MAPDA: variants seen among roughly 807,000 people sequenced by gnomAD.
MAPDA encodes N6,N6-dimethyl-AMP deaminase.
the MAPDA span, chr15:43,340,362 A>G: frequency 1.2e-6 from 2 of 1,607,656 alleles, no homozygotes; most frequent in Non-Finnish European, 1.7e-6. Flanking sequence ...GGTAGAATTT[A>G]TACTTCTCAG....
At chr15:43,348,810 G>A in the MAPDA span, 2 of 1,311,736 alleles carry the variant, frequency 1.5e-6, no homozygotes, top group African/African-American at 3.0e-5. Flanking sequence ...TCTGCATTAA[G>A]TACTACTTAG....
At chr15:43,354,419 A>G in the MAPDA span, 4 of 152,220 alleles carry the variant, frequency 2.6e-5, no homozygotes, top group Admixed American at 1.3e-4. Flanking sequence ...ATGTGGATCT[A>G]TTGCAGTCAC....
At chr15:43,351,561 G>T in the MAPDA span, 1 of 578,422 alleles carries the variant, frequency 1.7e-6, no homozygotes, top group African/African-American at 1.9e-5. Flanking sequence ...TTGAAACACT[G>T]CTCTGGTATC....
At chr15:43,339,158 G>A in the MAPDA span, among the ~76,000 whole-genome samples, 72,056 of 152,070 alleles carry the variant, frequency 0.47, 21,949 homozygotes, top group African/African-American at 0.87. Context: ...TAGCAGTGCC[G>A]TGGGGCCAAT....
chr15:43,340,161 G>A, the MAPDA span: 5 of 1,010,880 alleles, frequency 4.9e-6, no homozygotes, highest in South Asian at 8.0e-5. Flanking sequence ...AACATTACTT[G>A]CAAATCAGAT....
chr15:43,345,978 A>G, the MAPDA span: 1 of 1,613,794 alleles, frequency 6.2e-7, no homozygotes. Flanking sequence ...TGGAGACCCT[A>G]CTGTAAGTTA....
the MAPDA span, chr15:43,330,695 C>T: frequency 4.1e-6 from 2 of 490,252 alleles, no homozygotes; most frequent in Non-Finnish European, 7.1e-6. Context: ...AGTTCGCTTG[C>T]GGCTGACCTT....
chr15:43,332,846 C>G, the MAPDA span, among the ~76,000 whole-genome samples: 1 of 152,276 alleles, frequency 6.6e-6, no homozygotes, highest in South Asian at 2.1e-4. Context: ...TGAAGTATTA[C>G]TAACGTGGAT....
chr15:43,330,500 G>C, the MAPDA span: 35 of 1,514,670 alleles, frequency 2.3e-5, no homozygotes, highest in Non-Finnish European at 3.1e-5. Flanking sequence ...GGCCAGAAGA[G>C]ACTCAGGAAT....
the MAPDA span, among the ~76,000 whole-genome samples, chr15:43,341,521 C>T: frequency 6.6e-6 from 1 of 152,112 alleles, no homozygotes; most frequent in Non-Finnish European, 1.5e-5. Context: ...ACATATATAC[C>T]TAGTAGTATC....
At chr15:43,340,560 G>A in the MAPDA span, among the ~76,000 whole-genome samples, 11 of 152,236 alleles carry the variant, frequency 7.2e-5, no homozygotes, top group African/African-American at 2.6e-4. Context: ...GGGTCTTGCT[G>A]TCTTGCCCAG....
At chr15:43,349,455 C>G in the MAPDA span, 1 of 638,734 alleles carries the variant, frequency 1.6e-6, no homozygotes, top group Non-Finnish European at 2.0e-6. Context: ...ACTTGATTGT[C>G]TATGTGTTTA....
At chr15:43,352,051 TC>T in the MAPDA span, 1 of 1,178,064 alleles carries the variant, frequency 8.5e-7, no homozygotes, top group Non-Finnish European at 1.2e-6. Flanking sequence ...GCAACCAAGT[TC>T]CTTGGGCTCT....
At chr15:43,350,079 T>TG in the MAPDA span, among the ~76,000 whole-genome samples, 68 of 151,958 alleles carry the variant, frequency 4.5e-4, 1 homozygote, top group Admixed American at 2.0e-4. Context: ...CTCTTTTTTT[T>TG]GGGGGGCGGG....
chr15:43,335,942 G>A, the MAPDA span: 9 of 1,289,294 alleles, frequency 7.0e-6, no homozygotes, highest in Admixed American at 1.1e-4. Context: ...GGCATGTGGT[G>A]TGGAGCATAT....
the MAPDA span, chr15:43,330,695 C>G: frequency 1.7e-4 from 82 of 490,252 alleles, no homozygotes; most frequent in Admixed American, 1.6e-3. Flanking sequence ...AGTTCGCTTG[C>G]GGCTGACCTT....
chr15:43,336,692 A>G, the MAPDA span: 1 of 1,532,598 alleles, frequency 6.5e-7, no homozygotes, highest in South Asian at 1.3e-5. Flanking sequence ...TAATGGTAAG[A>G]CATGAAGGAA....
At chr15:43,352,244 C>T in the MAPDA span, 9 of 260,902 alleles carry the variant, frequency 3.4e-5, no homozygotes, top group Non-Finnish European at 5.0e-5. Flanking sequence ...TCAGGGAAAT[C>T]GAAGTTTCTC....
the MAPDA span, chr15:43,336,612 C>T: frequency 4.5e-6 from 7 of 1,560,620 alleles, no homozygotes; most frequent in Non-Finnish European, 6.0e-6. Context: ...TAAAACTTTT[C>T]ATTCATGTTG....
Sources: gnomAD v4.1 joint callset for allele counts (sites outside exome capture counted in the v4.1 genomes callset) on GRCh38, gnomAD v4.1.1 for gene constraint, MANE v1.5 for transcripts, NCBI Gene and HGNC (gene_info 2026-07-23, HGNC 2026-07-21) for gene names.